NTM: variants seen among roughly 807,000 people sequenced by gnomAD.
NTM encodes neurotrimin, also known as IgLON family member 2.
In NTM, 13 loss-of-function variants were observed where a neutral mutation model predicts 42.1. The ratio of observed to expected loss-of-function variants is 0.31; its 90% confidence interval spans 0.20 to 0.49. The LOEUF (loss-of-function observed/expected upper bound fraction) is 0.49. Among genes scored for constraint, NTM ranks in the 20% least tolerant of loss-of-function variants. The probability of loss-of-function intolerance (pLI) is 0.99; values close to 1 mark genes in which losing one functional copy is unlikely to be tolerated. For synonymous variants in NTM, 187 were observed against 179.2 expected (o/e 1.04, Z -0.35); for missense variants, 373 against 452.8 (o/e 0.82, Z 1.60).
intron 5 of NTM, among the ~76,000 whole-genome samples, chr11:132,308,844 A>T (rs774341108): frequency 6.0e-4 from 91 of 152,218 alleles, no homozygotes; most frequent in Non-Finnish European, 1.1e-3. Flanking sequence ...GTTTATAAAG[A>T]TGAACTTAAA....
At chr11:131,794,714 ATC>A in intron 1 of NTM, 3 of 985,432 alleles carry the variant, frequency 3.0e-6, no homozygotes, top group Non-Finnish European at 2.4e-6. Flanking sequence ...CCTAGAATGC[ATC>A]TAAAAGCAGA....
At chr11:132,111,813 T>G (rs939932848) in intron 2 of NTM, among the ~76,000 whole-genome samples, 1 of 152,266 alleles carries the variant, frequency 6.6e-6, no homozygotes, top group African/African-American at 2.4e-5. Flanking sequence ...CAACACCACT[T>G]GGAAGCTGGA....
chr11:132,193,435 T>TA (rs1282745999), intron 3 of NTM, among the ~76,000 whole-genome samples: 2 of 149,552 alleles, frequency 1.3e-5, no homozygotes, highest in Non-Finnish European at 3.0e-5. Context: ...AAAGTAAAAA[T>TA]AAAAAAATAA....
intron 1 of NTM, chr11:131,535,017 TAAAATTC>T (rs2051931883): frequency 6.6e-6 from 1 of 152,208 alleles, no homozygotes; most frequent in South Asian, 2.1e-4. Context: ...GAAGGTGTTT[TAAAATTC>T]ACCTTGAGTT....
At chr11:131,551,437 G>A (rs1213239524) in intron 1 of NTM, among the ~76,000 whole-genome samples, 7 of 147,334 alleles carry the variant, frequency 4.8e-5, no homozygotes, top group African/African-American at 1.0e-4. Flanking sequence ...AAAAAAAAAC[G>A]CACGATTGCA....
At chr11:131,756,636 T>C (rs1299380987) in intron 1 of NTM, among the ~76,000 whole-genome samples, 2 of 151,976 alleles carry the variant, frequency 1.3e-5, no homozygotes, top group Admixed American at 1.3e-4. Flanking sequence ...GGTGGTGAGC[T>C]GTGATCACAG....
At chr11:132,049,375 G>T (rs1055011754) in intron 2 of NTM, among the ~76,000 whole-genome samples, 1 of 152,142 alleles carries the variant, frequency 6.6e-6, no homozygotes, top group Non-Finnish European at 1.5e-5. Flanking sequence ...GGGGCTGGCC[G>T]CACCTGAGGA....
chr11:131,378,488 T>C (rs1338861435), intron 1 of NTM, among the ~76,000 whole-genome samples: 2 of 152,186 alleles, frequency 1.3e-5, no homozygotes, highest in Admixed American at 1.3e-4. Context: ...ATGTAAATGG[T>C]GTGTGTGCGT....
intron 2 of NTM, among the ~76,000 whole-genome samples, chr11:132,096,406 G>C (rs1488844331): frequency 2.0e-5 from 3 of 152,130 alleles, no homozygotes; most frequent in Non-Finnish European, 2.9e-5. Context: ...TCAGAATACA[G>C]GGCTGTAATT....
chr11:132,306,714 G>A (rs748598998), intron 4 of NTM, among the ~76,000 whole-genome samples: 4 of 152,138 alleles, frequency 2.6e-5, no homozygotes, highest in African/African-American at 9.7e-5. Context: ...CCAGGTTTAG[G>A]ATGCTGTCTT....
At chr11:131,988,712 C>G (rs188153224) in intron 2 of NTM, among the ~76,000 whole-genome samples, 1 of 152,270 alleles carries the variant, frequency 6.6e-6, no homozygotes, top group Admixed American at 6.5e-5. Flanking sequence ...GCAGTGCCTT[C>G]ATTTTGACAG....
At chr11:132,078,773 C>G (rs1453308696) in intron 2 of NTM, among the ~76,000 whole-genome samples, 2 of 152,194 alleles carry the variant, frequency 1.3e-5, no homozygotes, top group Non-Finnish European at 2.9e-5. Context: ...TTCTTTTACA[C>G]TTAACTCATC....
intron 8 of NTM, among the ~76,000 whole-genome samples, chr11:132,330,744 CCTAA>C (rs147578326): frequency 6.6e-6 from 1 of 152,280 alleles, no homozygotes; most frequent in South Asian, 2.1e-4. Flanking sequence ...TCTCTGGGAC[CCTAA>C]CTGTCCTGGT....
chr11:131,889,886 G>A (rs2050993827), intron 1 of NTM, among the ~76,000 whole-genome samples: 1 of 152,130 alleles, frequency 6.6e-6, no homozygotes. Context: ...AAAGATGGAT[G>A]TCTCTGCAGG....
At chr11:131,812,592 G>T (rs2092784224) in intron 1 of NTM, among the ~76,000 whole-genome samples, 1 of 152,074 alleles carries the variant, frequency 6.6e-6, no homozygotes, top group Non-Finnish European at 1.5e-5. Context: ...ATGCCGAGAA[G>T]GAAAGAGCCT....
At chr11:131,592,653 C>CACACACACACAA (rs1249669269) in intron 1 of NTM, among the ~76,000 whole-genome samples, 1 of 93,092 alleles carries the variant, frequency 1.1e-5, no homozygotes, top group African/African-American at 7.5e-5. Context: ...CCCAAACACA[C>CACACACACACAA]ACACACACAC....
At chr11:131,998,955 G>A (rs959060748) in intron 2 of NTM, among the ~76,000 whole-genome samples, 10 of 152,204 alleles carry the variant, frequency 6.6e-5, no homozygotes, top group South Asian at 6.2e-4. Flanking sequence ...CCAGTCTGGC[G>A]GATTTCCAAG....
chr11:131,876,166 T>A (rs2048513762), intron 1 of NTM, among the ~76,000 whole-genome samples: 1 of 152,172 alleles, frequency 6.6e-6, no homozygotes, highest in South Asian at 2.1e-4. Flanking sequence ...GAGTCAGCAC[T>A]CCGCAGAGGC....
chr11:131,972,044 A>AAAAAAAAAAAAAAAAAAAAC (rs1375744410), intron 2 of NTM, among the ~76,000 whole-genome samples: 1 of 106,674 alleles, frequency 9.4e-6, no homozygotes, highest in African/African-American at 5.0e-5. Flanking sequence ...CTCCGTCTCA[A>AAAAAAAAAAAAAAAAAAAAC]AAAAAAAAAA....
Sources: allele counts gnomAD v4.1 joint callset (sites outside exome capture counted in the v4.1 genomes callset), GRCh38; gene constraint gnomAD v4.1.1; transcripts MANE v1.5; gene names NCBI Gene and HGNC (gene_info 2026-07-23, HGNC 2026-07-21).